Variants in TANGO6 observed in about 807,000 individuals in gnomAD.
TANGO6 encodes the protein transport and golgi organization 6 homolog.
TANGO6 carries 90 observed loss-of-function variants against 114.2 expected under a neutral mutation model. The ratio of observed to expected loss-of-function variants is 0.79; its 90% confidence interval spans 0.66 to 0.94. TANGO6 has a LOEUF of 0.94. Among genes scored for constraint, TANGO6 ranks in the 40% least tolerant of loss-of-function variants. The probability of loss-of-function intolerance (pLI) is 0.00; values close to 1 mark genes in which losing one functional copy is unlikely to be tolerated. For missense variants in TANGO6, 1,274 were observed against 1,315.3 expected, an observed-to-expected ratio of 0.97 and a Z score of 0.49; for synonymous variants, 477 against 509.8, an observed-to-expected ratio of 0.94 and a Z score of 0.87.
chr16:68,947,215 T>C (rs533099055), intron 14 of TANGO6, among the ~76,000 whole-genome samples: 5 of 152,122 alleles, frequency 3.3e-5, no homozygotes, highest in African/African-American at 9.7e-5. Flanking sequence ...CCCAGCACTT[T>C]GGGAGGCCGA....
intron 15 of TANGO6, among the ~76,000 whole-genome samples, chr16:68,992,700 G>A (rs1364558417): frequency 6.6e-6 from 1 of 152,122 alleles, no homozygotes; most frequent in Non-Finnish European, 1.5e-5. Context: ...AGATTCTTTG[G>A]AAATTACTCA....
chr16:69,075,412 T>C lies in TANGO6; in HGVS notation c.3109-8073T>C, dbSNP rs953681656. ...TACACATGCATATGTATTTCCTTCTTAGCAGAACAGTAGAAACTCTACACA... is the reference window on the plus strand; with the variant it reads ...TACACATGCATATGTATTTCCTTCTCAGCAGAACAGTAGAAACTCTACACA... On this transcript the variant is annotated intron_variant, in intron 17 of 17. Transcript: ENST00000261778. Among the ~76,000 whole-genome samples the C allele has an allele frequency of 2.6e-5, 4 of 152,196 alleles. No individual in the cohort carries two copies. In the East Asian group the frequency reaches 5.8e-4, roughly 22 times the overall value.
chr16:68,978,058 T>G (rs1351804947), intron 15 of TANGO6, among the ~76,000 whole-genome samples: 1 of 152,186 alleles, frequency 6.6e-6, no homozygotes, highest in Non-Finnish European at 1.5e-5. Flanking sequence ...TAGTTCTGAA[T>G]TTGGATCTAA....
At chr16:68,914,878 G>T (rs1962976415) in intron 11 of TANGO6, among the ~76,000 whole-genome samples, 1 of 141,244 alleles carries the variant, frequency 7.1e-6, no homozygotes, top group South Asian at 2.3e-4. Context: ...AGTTCCCTGG[G>T]TTTTTTTTTT....
intron 15 of TANGO6, among the ~76,000 whole-genome samples, chr16:68,996,426 A>G (rs1463403864): frequency 1.3e-5 from 2 of 152,110 alleles, no homozygotes; most frequent in Admixed American, 1.3e-4. Context: ...TGATTCTTCT[A>G]TTGTATTTCT....
At position 69,027,820 on chromosome 16, in the gene TANGO6, G is replaced by A. The variant is rs1490718152; in HGVS notation, c.2994+4841G>A. On this transcript the variant is annotated intron_variant, in intron 16 of 17. Coordinates refer to ENST00000261778, the MANE Select transcript of TANGO6 (RefSeq NM_024562.2). ...TTTTGAGACGAATTCTTGCTCTGTC[G>A]CCCAGACTGGAGTACAATGGCGTGA... Among the ~76,000 whole-genome samples, 6 of 147,766 alleles carry A rather than the reference G, an allele frequency of 4.1e-5. No individual in the cohort carries two copies. The East Asian group carries it at 5.9e-4, about 15-fold the overall frequency.
rs73562654 is a variant in TANGO6 at position 68,959,969 on chromosome 16, G to A, written c.2702-14059G>A. 4.1e-3 allele frequency among the ~76,000 whole-genome samples: 623 copies of A among 152,328 alleles called. 3 individuals carry two copies. The highest frequency in any genetic ancestry group is 0.014 in the African/African-American group (590 of 41,592). ...GGACCACCCATCTCAGGGCTTTCAG[G>A]AGGTGTGAGGAATGTTTTGTTTTCT... On this transcript the variant is annotated intron_variant, in intron 14 of 17. Transcript: ENST00000261778.
At chr16:68,844,787 A>G (rs1961777970) in intron 1 of TANGO6, among the ~76,000 whole-genome samples, 1 of 152,120 alleles carries the variant, frequency 6.6e-6, no homozygotes, top group Admixed American at 6.6e-5. Flanking sequence ...CGGATGAAGG[A>G]CCAAGGTTCA....
chr16:69,000,056 G>A (rs902898088), intron 15 of TANGO6, among the ~76,000 whole-genome samples: 2 of 152,148 alleles, frequency 1.3e-5, no homozygotes, highest in Non-Finnish European at 2.9e-5. Flanking sequence ...GAGGCGATTC[G>A]CCAGGAAATT....
At chr16:68,880,526 A>G in intron 6 of TANGO6, 22 bp from the exon 7 acceptor site, 1 of 1,598,388 alleles carries the variant, frequency 6.3e-7, no homozygotes, top group Non-Finnish European at 8.5e-7. Context: ...AATATGGGTA[A>G]TTTTGTGTGT....
chr16:68,889,404 G>A (rs1962581718), intron 7 of TANGO6, among the ~76,000 whole-genome samples: 3 of 152,112 alleles, frequency 2.0e-5, no homozygotes, highest in African/African-American at 4.8e-5. Flanking sequence ...TCATACAGCT[G>A]GGGAGTGGCA....
intron 15 of TANGO6, among the ~76,000 whole-genome samples, chr16:68,979,122 T>C (rs1167233480): frequency 2.0e-5 from 3 of 151,942 alleles, no homozygotes; most frequent in Non-Finnish European, 1.5e-5. Context: ...GGTCTCGCTG[T>C]GTTCCCCAGG....
chr16:69,014,562 T>A (rs2152225235), intron 15 of TANGO6, among the ~76,000 whole-genome samples: 1 of 152,266 alleles, frequency 6.6e-6, no homozygotes, highest in South Asian at 2.1e-4. Context: ...GCCAGTGAGA[T>A]GTATACAAAA....
At chr16:68,912,814 G>A (rs1052245014) in intron 11 of TANGO6, among the ~76,000 whole-genome samples, 2 of 150,928 alleles carry the variant, frequency 1.3e-5, no homozygotes, top group East Asian at 2.0e-4. Flanking sequence ...GGTGGCTCAC[G>A]CCTGTAATCC....
intron 17 of TANGO6, among the ~76,000 whole-genome samples, chr16:69,056,594 C>T (rs1210263956): frequency 6.6e-6 from 1 of 151,226 alleles, no homozygotes. Context: ...AAAAAACCCA[C>T]AATTTCCTAA....
chr16:68,962,929 G>GAAA (rs764209359), intron 14 of TANGO6, among the ~76,000 whole-genome samples: 7 of 128,368 alleles, frequency 5.5e-5, no homozygotes, highest in African/African-American at 1.4e-4. Flanking sequence ...CTCAAAATAT[G>GAAA]AAAAAAAAAA....
chr16:68,983,019 TC>T (rs1036476038), intron 15 of TANGO6, among the ~76,000 whole-genome samples: 1 of 152,146 alleles, frequency 6.6e-6, no homozygotes, highest in Admixed American at 6.6e-5. Flanking sequence ...TCTTGTTATT[TC>T]TTTTTTTTTA....
At chr16:68,868,205 G>T (rs1962210294) in intron 4 of TANGO6, among the ~76,000 whole-genome samples, 1 of 151,360 alleles carries the variant, frequency 6.6e-6, no homozygotes, top group South Asian at 2.1e-4. Context: ...ATACCTTTGA[G>T]ATGCAAACTT....
chr16:68,870,766 C>T (rs1477571228), intron 4 of TANGO6, among the ~76,000 whole-genome samples: 1 of 150,992 alleles, frequency 6.6e-6, no homozygotes, highest in Non-Finnish European at 1.5e-5. Context: ...CTTTAGTTGC[C>T]ATTTCTTTTA....
Sources: gnomAD v4.1 joint callset for allele counts (sites outside exome capture counted in the v4.1 genomes callset) on GRCh38, gnomAD v4.1.1 for gene constraint, MANE v1.5 for transcripts, NCBI Gene and HGNC (gene_info 2026-07-23, HGNC 2026-07-21) for gene names.